The following SBF1 variants were observed in gnomAD, a reference collection of about 807,000 sequenced individuals.
The protein encoded by SBF1 is myotubularin-related protein 5.
A neutral mutation model predicts 215.8 loss-of-function variants in SBF1; 65 were observed. The ratio of observed to expected loss-of-function variants is 0.30; its 90% CI spans 0.25 to 0.37. SBF1 has a LOEUF of 0.37. SBF1 is among the 10% of genes least tolerant of loss of function. SBF1 has a pLI of 1.00. For synonymous variants in SBF1, 1,410 were observed against 1,122.8 expected (o/e 1.26, Z -5.11); for missense variants, 2,634 against 2,667.8 (o/e 0.99, Z 0.28).
At position 50,446,356 on chromosome 22, in the gene SBF1, T is replaced by TCTCCCCCCCCCCCC. The variant is rs1491577679; in HGVS notation, c.*785_*786insGGGGGGGGGGGGAG. 1.4e-4 allele frequency: 5 copies of TCTCCCCCCCCCCCC among 35,048 alleles called. No homozygotes were observed. Among genetic ancestry groups the TCTCCCCCCCCCCCC allele is most frequent in the Admixed American group, 2.7e-4 (1 of 3,666 alleles). 2.2% of individuals were successfully genotyped at this position (35,048 alleles called of 1,614,324 possible). On this transcript the variant is annotated 3_prime_UTR_variant, in exon 41 of 41. Coordinates refer to ENST00000380817, the MANE Select transcript of SBF1 (RefSeq NM_002972.4). ...CCTGCATTCCCCTGGGAGCCCACTG[T>TCTCCCCCCCCCCCC]CCCCCCCCCCCCCCCGCCTCCGGCC...
At chr22:50,461,105 CAGG>C in intron 23 of SBF1, 51 bp downstream of exon 23, 1 of 1,538,084 alleles carries the variant, frequency 6.5e-7, no homozygotes, top group Non-Finnish European at 8.8e-7. Flanking sequence ...GACCGGTTTG[CAGG>C]AGAAAGACCA....
In SBF1 at chr22:50,448,343, G is replaced by C. The variant is rs763434952; in HGVS notation, c.5253C>G (p.Ser1751Arg). Residue 1751 changes from serine (S) to arginine (R), a missense_variant, in exon 38 of 41, where the codon AGC becomes AGG. By Grantham distance (110) the Ser-to-Arg change is moderately radical (BLOSUM62 -1). Coordinates refer to ENST00000380817, the MANE Select transcript of SBF1 (RefSeq NM_002972.4). ...AGCCACTACTCTGGTCGCTGTCCAG[G>C]CTGAGGCTCAGGGTGGAGCCCACGG... is the stretch of plus-strand genomic sequence containing the variant. ...EGPVGSTLSL[S>R]LDSDQSSGST... is the part of the protein sequence containing the mutation. 2.5e-6 allele frequency: 4 copies of C among 1,613,772 alleles called. No homozygotes were observed. The East Asian group carries it at 8.9e-5, about 36-fold the overall frequency.
In SBF1 at chr22:50,466,271, C is replaced by CAGA; in HGVS notation, c.789-16_789-14dup. On this transcript the variant is annotated splice_polypyrimidine_tract_variant and intron_variant, in intron 7 of 40. Coordinates refer to ENST00000380817, the MANE Select transcript of SBF1 (RefSeq NM_002972.4). Reference sequence around the variant, plus strand: ...CACATAGGTGAAGCTGTGCAGGCCCCAGAGGATGCAGTGAGCCAGGGGACG... The same window carrying CAGA: ...CACATAGGTGAAGCTGTGCAGGCCCCAGAAGAGGATGCAGTGAGCCAGGGGACG... 6.2e-7 allele frequency: 1 copy of CAGA among 1,613,396 alleles called. No individual in the cohort carries two copies. The highest frequency in any genetic ancestry group is 8.5e-7 in the Non-Finnish European group (1 of 1,179,970).
In SBF1 at chr22:50,446,800, G is replaced by A. The variant is rs1278997228; in HGVS notation, c.*342C>T. On this transcript the variant is annotated 3_prime_UTR_variant, in exon 41 of 41. Transcript: ENST00000380817. The stretch of plus-strand genomic sequence containing the variant: ...CCGGGGAGTGGGGAAGGCAGGCACA[G>A]GAGCGTGGCGTTAGTTCTCTCTTTA... 3 of 618,802 alleles carry A rather than the reference G, an allele frequency of 4.8e-6. No homozygotes were observed. Among genetic ancestry groups the A allele is most frequent in the South Asian group, 4.3e-5 (3 of 69,860 alleles). The allele number at this position is 618,802 out of a possible 1,614,324, so 38.3% of individuals were successfully genotyped here.
At position 50,459,810 on chromosome 22, in the gene SBF1, A is replaced by C. The variant is rs2067424376; in HGVS notation, c.3491+142T>G. On this transcript the variant is annotated intron_variant, in intron 26 of 40. Coordinates refer to ENST00000380817, the MANE Select transcript of SBF1 (RefSeq NM_002972.4). ...CCACGGGGCCCCCCAGCCACCCCCC[A>C]GCCCTGTGGCCCGTCCCTCTGCCCG... is the stretch of plus-strand genomic sequence containing the variant. The C allele has an allele frequency of 3.0e-6, 4 of 1,318,630 alleles. No homozygotes were observed. In the East Asian group the frequency reaches 9.8e-5, roughly 32 times the overall value. 81.7% of individuals were successfully genotyped at this position (1,318,630 alleles called of 1,614,324 possible). A position where few individuals can be genotyped will look rare whatever the true frequency, so the allele number is the denominator to read the frequency against.
At chr22:50,451,853 G>A (rs1029923532) in intron 36 of SBF1, among the ~76,000 whole-genome samples, 2 of 149,910 alleles carry the variant, frequency 1.3e-5, no homozygotes, top group Non-Finnish European at 3.0e-5. Context: ...CTGCAGTGCA[G>A]TGGCGCGATC....
In SBF1 at chr22:50,459,393, C is replaced by T; in HGVS notation, c.3689-1G>A. ...CTACTCGAGTCCGCCTGGGACTGGCCTGGGGGAGGACACGGAGCTGAGGGA... is the reference window on the plus strand; with the variant it reads ...CTACTCGAGTCCGCCTGGGACTGGCTTGGGGGAGGACACGGAGCTGAGGGA... On this transcript the variant is annotated splice_acceptor_variant, in intron 27 of 40. Coordinates refer to ENST00000380817, the MANE Select transcript of SBF1 (RefSeq NM_002972.4). LOFTEE classifies it high-confidence loss of function. The T allele has an allele frequency of 6.2e-7, 1 of 1,612,154 alleles. No individual in the cohort carries two copies. The highest frequency in any genetic ancestry group is 8.5e-7 in the Non-Finnish European group (1 of 1,179,202).
intron 9 of SBF1, 49 bp downstream of exon 9, chr22:50,465,912 C>T: frequency 6.2e-7 from 1 of 1,611,118 alleles, no homozygotes; most frequent in Non-Finnish European, 8.5e-7. Context: ...GCCAGGTAGC[C>T]ACATCCCAAA....
At chr22:50,468,010 C>T (rs2067848166) in intron 2 of SBF1, 87 bp from the exon 3 acceptor site, 1 of 1,519,856 alleles carries the variant, frequency 6.6e-7, no homozygotes, top group Non-Finnish European at 9.0e-7. Flanking sequence ...ACCACCAGGC[C>T]TGGAGGCTCC....
Position 50,447,137 on chromosome 22 carries a change from G to C in SBF1, c.*5C>G. ...AAGCAGAGCAGCCGGGCAGGGCTGG[G>C]AGGCTCAGGCGTCCGACAGGCAGCT... is the stretch of plus-strand genomic sequence containing the variant. On this transcript the variant is annotated 3_prime_UTR_variant, in exon 41 of 41. Transcript: ENST00000380817. The C allele has an allele frequency of 1.2e-6, 2 of 1,610,612 alleles. No homozygotes were observed. The highest frequency in any genetic ancestry group is 1.7e-6 in the Non-Finnish European group (2 of 1,179,014).
At position 50,461,508 on chromosome 22, in the gene SBF1, A is replaced by T. The variant is rs756709127; in HGVS notation, c.2839+15T>A. The T allele has an allele frequency of 3.2e-6, 5 of 1,584,224 alleles. No individual in the cohort carries two copies. The African/African-American group carries it at 4.0e-5, about 13-fold the overall frequency. Reference sequence around the variant, plus strand: ...GGGAGAGGGGGCGACAGGGCCAGAGAGTCTGCAGGCTCACCCAGGGGGTCC... The same window carrying T: ...GGGAGAGGGGGCGACAGGGCCAGAGTGTCTGCAGGCTCACCCAGGGGGTCC... On this transcript the variant is annotated intron_variant, in intron 22 of 40. Coordinates refer to ENST00000380817, the MANE Select transcript of SBF1 (RefSeq NM_002972.4).
rs561599260 is a variant in SBF1, at chr22:50,463,558, G to A, written c.1750-126C>T. On this transcript the variant is annotated intron_variant, in intron 15 of 40. Coordinates refer to ENST00000380817, the MANE Select transcript of SBF1 (RefSeq NM_002972.4). ...TCAGGTGGGGTGTGCCAGACTCTGG[G>A]GCTTTGCCGACCAATAAAGACTAAA... is the stretch of plus-strand genomic sequence containing the variant. The A allele has an allele frequency of 5.9e-5, 64 of 1,081,046 alleles. No homozygotes were observed. The African/African-American group carries it at 7.2e-4, about 12-fold the overall frequency. The allele number at this position is 1,081,046 out of a possible 1,614,324, so 67.0% of individuals were successfully genotyped here. A position where few individuals can be genotyped will look rare whatever the true frequency, so the allele number is the denominator to read the frequency against.
chr22:50,469,185 C>T (rs141981810), intron 1 of SBF1, among the ~76,000 whole-genome samples: 90 of 152,318 alleles, frequency 5.9e-4, no homozygotes, highest in Non-Finnish European at 1.1e-3. Flanking sequence ...CACCTGGACC[C>T]CAGCAGCTCT....
At chr22:50,474,652 T>TCAGTCCTCGGCCTCCCGACCCAGCCCC (rs1424069704) in intron 1 of SBF1, 134 bp downstream of exon 1, 1 of 276,526 alleles carries the variant, frequency 3.6e-6, no homozygotes, top group East Asian at 2.1e-4. Context: ...CGCCCGGCCC[T>TCAGTCCTCGGCCTCCCGACCCAGCCCC]CAGTCCTCGG....
intron 36 of SBF1, among the ~76,000 whole-genome samples, chr22:50,449,937 T>C (rs1261110759): frequency 1.3e-5 from 2 of 152,152 alleles, no homozygotes; most frequent in Non-Finnish European, 2.9e-5. Flanking sequence ...GCCTAAGACA[T>C]GGGACCACAT....
Position 50,455,250 on chromosome 22 carries a change from G to T in SBF1, c.4528C>A (p.Leu1510Met), listed in dbSNP as rs2067202084. The part of the protein sequence containing the change: ...GQSSGFTPVF[L>M]QFLDCVHQVH... ...TGGTGTACGCAGTCCAGGAACTGCA[G>T]GAAGACGGGTGTGAAGCCGCTGCTC... Residue 1510 changes from leucine (L) to methionine (M), a missense_variant, in exon 33 of 41, where the codon CTG becomes ATG. Transcript: ENST00000380817. 1 of 1,613,190 alleles carries T rather than the reference G, an allele frequency of 6.2e-7. No homozygotes were observed. Among genetic ancestry groups the T allele is most frequent in the African/African-American group, 1.3e-5 (1 of 75,054 alleles).
chr22:50,454,830 G>A lies in SBF1; in HGVS notation c.4796C>T (p.Ala1599Val), dbSNP rs774485881. 40 of 1,613,864 alleles carry A rather than the reference G, an allele frequency of 2.5e-5. No homozygotes were observed. Among genetic ancestry groups the A allele is most frequent in the East Asian group, 2.2e-5 (1 of 44,898 alleles). Residue 1599 changes from alanine to valine, a missense_variant, in exon 35 of 41, where the codon GCG becomes GTG. Coordinates refer to ENST00000380817, the MANE Select transcript of SBF1 (RefSeq NM_002972.4). ...CCAGCTTACCTCTGCGTCCTCGGGCGCATACATGTAATTGTGGAACACAGG... is the reference window on the plus strand; with the variant it reads ...CCAGCTTACCTCTGCGTCCTCGGGCACATACATGTAATTGTGGAACACAGG... ...RTPVFHNYMY[A>V]PEDAEVLRPY...
rs779473255 is a variant in SBF1, at chr22:50,466,424, G to A, written c.714C>T (p.Phe238=). 7.7e-6 allele frequency: 12 copies of A among 1,552,874 alleles called. No homozygotes were observed. The highest frequency in any genetic ancestry group is 9.6e-6 in the Non-Finnish European group (11 of 1,147,666). ...CAALTEHKVL[F]LSRSYQRLAD... ...CGAGCCGCTGGTAGCTCCGGGACAG[G>A]AAGAGAACCTTGTGCTCCGTGAGGG... The change falls in exon 7 of 41, where the codon TTC becomes TTT. Residue 238 remains phenylalanine, a synonymous_variant. Transcript: ENST00000380817.
At chr22:50,468,165 A>G (rs1246580907) in intron 2 of SBF1, among the ~76,000 whole-genome samples, 2 of 152,136 alleles carry the variant, frequency 1.3e-5, no homozygotes, top group African/African-American at 4.8e-5. Flanking sequence ...CCCCACCATC[A>G]TGAGTGAGTG....
Sources: allele counts gnomAD v4.1 joint callset (sites outside exome capture counted in the v4.1 genomes callset), GRCh38; gene constraint gnomAD v4.1.1; transcripts MANE v1.5; gene names NCBI Gene and HGNC (gene_info 2026-07-23, HGNC 2026-07-21).